Variants in ARHGAP26 observed in about 807,000 individuals in gnomAD.
ARHGAP26 encodes rho GTPase-activating protein 26.
In ARHGAP26, 38 loss-of-function variants were observed where a neutral mutation model predicts 104.8. The ratio of observed to expected loss-of-function variants is 0.36; its 90% CI spans 0.28 to 0.48. The LOEUF is 0.48. Among genes scored for constraint, ARHGAP26 ranks in the 20% least tolerant of loss-of-function variants. ARHGAP26 has a pLI of 0.99. For synonymous variants in ARHGAP26, 341 were observed against 340.0 expected (o/e 1.00, Z -0.03); for missense variants, 704 against 947.9 (o/e 0.74, Z 3.38).
At chr5:143,183,702 TG>T in intron 20 of ARHGAP26, among the ~76,000 whole-genome samples, 1 of 152,230 alleles carries the variant, frequency 6.6e-6, no homozygotes, top group East Asian at 1.9e-4. Context: ...CCTCTGGTTA[TG>T]GGCGAAGGCG....
At chr5:143,054,286 A>G (rs1454247990) in intron 14 of ARHGAP26, among the ~76,000 whole-genome samples, 153 bp from the exon 15 acceptor site, 1 of 152,042 alleles carries the variant, frequency 6.6e-6, no homozygotes, top group Non-Finnish European at 1.5e-5. Context: ...ATTTTTAGAC[A>G]TTTTCCTAAT....
intron 22 of ARHGAP26, among the ~76,000 whole-genome samples, chr5:143,219,129 T>C (rs968928963): frequency 1.3e-5 from 2 of 152,232 alleles, no homozygotes; most frequent in Non-Finnish European, 2.9e-5. Context: ...AGAGGCCTGA[T>C]ACAGTGGGAA....
intron 5 of ARHGAP26, among the ~76,000 whole-genome samples, chr5:142,888,330 T>C (rs1412049281): frequency 6.6e-6 from 1 of 152,168 alleles, no homozygotes; most frequent in Admixed American, 6.5e-5. Flanking sequence ...CTGCTGACCA[T>C]GTTATTTAGT....
chr5:143,137,946 C>G (rs927968119), intron 19 of ARHGAP26, among the ~76,000 whole-genome samples: 10 of 152,246 alleles, frequency 6.6e-5, no homozygotes, highest in Admixed American at 5.2e-4. Flanking sequence ...AGAGAAGAAG[C>G]TCCTCAGGCT....
At chr5:142,794,691 A>G (rs1025708081) in intron 1 of ARHGAP26, among the ~76,000 whole-genome samples, 1 of 152,176 alleles carries the variant, frequency 6.6e-6, no homozygotes, top group African/African-American at 2.4e-5. Flanking sequence ...TGTCAGGCAG[A>G]TAGGAGGGAG....
intron 11 of ARHGAP26, among the ~76,000 whole-genome samples, chr5:142,985,245 G>A (rs1774510026): frequency 6.6e-6 from 1 of 152,040 alleles, no homozygotes; most frequent in African/African-American, 2.4e-5. Context: ...TAAGCTAAAT[G>A]TTATTACAAG....
intron 1 of ARHGAP26, among the ~76,000 whole-genome samples, chr5:142,864,736 C>T (rs1002407022): frequency 9.2e-5 from 14 of 152,200 alleles, no homozygotes; most frequent in African/African-American, 3.4e-4. Flanking sequence ...CTCTCTCTTC[C>T]AGAACATGTG....
chr5:142,775,636 A>G (rs1756163280), intron 1 of ARHGAP26, among the ~76,000 whole-genome samples: 1 of 152,002 alleles, frequency 6.6e-6, no homozygotes, highest in Non-Finnish European at 1.5e-5. Context: ...ATAACTCCCC[A>G]CTTTCCCCTC....
intron 9 of ARHGAP26, among the ~76,000 whole-genome samples, chr5:142,912,310 AG>A: frequency 6.6e-6 from 1 of 152,378 alleles, no homozygotes; most frequent in African/African-American, 2.4e-5. Context: ...CCAGACAAAA[AG>A]AGCACATACT....
At chr5:142,910,192 C>T (rs964285022) in intron 9 of ARHGAP26, among the ~76,000 whole-genome samples, 1 of 152,074 alleles carries the variant, frequency 6.6e-6, no homozygotes, top group African/African-American at 2.4e-5. Context: ...TCCAGTTTTC[C>T]TCCTTTTACA....
At chr5:142,939,108 C>T (rs550003425) in intron 11 of ARHGAP26, among the ~76,000 whole-genome samples, 8 of 152,180 alleles carry the variant, frequency 5.3e-5, no homozygotes, top group South Asian at 4.2e-4. Context: ...CAAGCCCACA[C>T]GTAAGTCAAT....
rs11369150 is a variant in ARHGAP26 at position 142,949,232 on chromosome 5, G to GAGAGAGAGAGAGAGAGAGAGA, written c.1107+17107_1107+17108insAGAGAGAGAGAGAGAGAGAGA. 2.9e-4 allele frequency among the ~76,000 whole-genome samples: 8 copies of GAGAGAGAGAGAGAGAGAGAGA among 27,324 alleles called. 2 individuals are homozygous for GAGAGAGAGAGAGAGAGAGAGA. Among genetic ancestry groups the GAGAGAGAGAGAGAGAGAGAGA allele is most frequent in the African/African-American group, 1.8e-3 (6 of 3,260 alleles). 17.9% of individuals were successfully genotyped at this position (27,324 alleles called of 152,430 possible). On this transcript the variant is annotated intron_variant, in intron 11 of 22. Transcript: ENST00000645722. The stretch of plus-strand genomic sequence containing the variant: ...GAGAGAGAGAGAGAGGAGAGAGAGA[G>GAGAGAGAGAGAGAGAGAGAGA]GAGAGAGAGAGAGAGAGAGAGAGAG...
At chr5:142,874,389 C>T (rs899031013) in intron 2 of ARHGAP26, among the ~76,000 whole-genome samples, 1 of 152,166 alleles carries the variant, frequency 6.6e-6, no homozygotes, top group Non-Finnish European at 1.5e-5. Context: ...GTTCCTGTTG[C>T]CATGTAGAAC....
chr5:143,198,357 G>A (rs1329409222), intron 20 of ARHGAP26, among the ~76,000 whole-genome samples: 1 of 152,164 alleles, frequency 6.6e-6, no homozygotes, highest in East Asian at 1.9e-4. Context: ...TTCACATATT[G>A]TGAAATTTTT....
chr5:143,029,691 G>T (rs1225338780), intron 12 of ARHGAP26, among the ~76,000 whole-genome samples: 1 of 152,094 alleles, frequency 6.6e-6, no homozygotes, highest in Non-Finnish European at 1.5e-5. Flanking sequence ...TTACAGTTGA[G>T]AGCCAGGGTG....
intron 20 of ARHGAP26, among the ~76,000 whole-genome samples, chr5:143,195,389 C>G (rs533326221): frequency 1.3e-5 from 2 of 152,276 alleles, no homozygotes; most frequent in African/African-American, 4.8e-5. Flanking sequence ...CAGCAGTGGA[C>G]ATTTAGATTC....
intron 10 of ARHGAP26, chr5:142,919,404 G>GTAA (rs1273783428): frequency 1.0e-5 from 4 of 398,428 alleles, no homozygotes; most frequent in African/African-American, 8.2e-5. Flanking sequence ...TGAACTTTTA[G>GTAA]CCTCTAGACC....
At chr5:142,884,236 G>A (rs1598074884) in intron 4 of ARHGAP26, among the ~76,000 whole-genome samples, 1 of 152,160 alleles carries the variant, frequency 6.6e-6, no homozygotes, top group East Asian at 1.9e-4. Context: ...TGGAGAACAT[G>A]GGCTTTGGAG....
In ARHGAP26 at chr5:142,861,306, T is replaced by C. The variant is rs142234271; in HGVS notation, c.155-12094T>C. Among the ~76,000 whole-genome samples, 159 of 151,884 alleles carry C rather than the reference T, an allele frequency of 1.0e-3. 1 individual carries two copies. The highest frequency in any genetic ancestry group is 3.5e-3 in the African/African-American group (145 of 41,430). On this transcript the variant is annotated intron_variant, in intron 1 of 22. Coordinates refer to ENST00000645722, the MANE Select transcript of ARHGAP26 (RefSeq NM_001135608.3). ...GATAAAAGAAAGTGAAACCAATTTC[T>C]GGGAATGTTATTAGGTGTGGCTTTG... is the stretch of plus-strand genomic sequence containing the variant.
Sources: gnomAD v4.1 joint callset for allele counts (sites outside exome capture counted in the v4.1 genomes callset) on GRCh38, gnomAD v4.1.1 for gene constraint, MANE v1.5 for transcripts, NCBI Gene and HGNC (gene_info 2026-07-23, HGNC 2026-07-21) for gene names.